Variants in CIP2A observed in about 807,000 individuals in gnomAD.
The protein encoded by CIP2A is cellular inhibitor of PP2A.
CIP2A carries 103 observed loss-of-function variants against 110.9 expected under a neutral mutation model. The observed-to-expected ratio is 0.93, with a 90% confidence interval of 0.79 to 1.09. The LOEUF (loss-of-function observed/expected upper bound fraction) is 1.09. CIP2A is among the 50% of genes least tolerant of loss of function. The probability of loss-of-function intolerance (pLI) is 0.00; values close to 1 mark genes in which losing one functional copy is unlikely to be tolerated. For missense variants in CIP2A, 1,088 were observed against 1,038.4 expected (o/e 1.05, Z -0.66); for synonymous variants, 381 against 361.6 (o/e 1.05, Z -0.61).
chr3:108,577,430 T>G (rs751222091), intron 7 of CIP2A, among the ~76,000 whole-genome samples: 1 of 152,126 alleles, frequency 6.6e-6, no homozygotes, highest in Non-Finnish European at 1.5e-5. Flanking sequence ...GGTACATATT[T>G]ATGAGTGAAA....
intron 5 of CIP2A, among the ~76,000 whole-genome samples, chr3:108,579,989 T>C (rs1292296115): frequency 1.3e-5 from 2 of 152,194 alleles, no homozygotes; most frequent in Non-Finnish European, 2.9e-5. Flanking sequence ...AATTCAATGA[T>C]GGTAAATCAG....
chr3:108,570,798 T>G (rs371187705), intron 8 of CIP2A, among the ~76,000 whole-genome samples: 1 of 152,140 alleles, frequency 6.6e-6, no homozygotes, highest in Non-Finnish European at 1.5e-5. Context: ...TAAGCTACAC[T>G]ATTTTTTAAA....
intron 12 of CIP2A, 48 bp from the exon 13 acceptor site, chr3:108,563,292 T>A: frequency 9.0e-7 from 1 of 1,107,258 alleles, no homozygotes; most frequent in Non-Finnish European, 1.4e-6. Flanking sequence ...GAATAAACAA[T>A]GTCAGCTCTT....
intron 8 of CIP2A, chr3:108,574,920 C>G (rs964610889): frequency 5.2e-5 from 8 of 152,450 alleles, no homozygotes; most frequent in African/African-American, 1.9e-4. Context: ...CAAAGACCCA[C>G]ATCTCAAAGT....
Position 108,557,417 on chromosome 3 carries a change from C to CAAAAAAA in CIP2A, c.2014-10_2014-4dup. 8.3e-7 allele frequency: 1 copy of CAAAAAAA among 1,211,604 alleles called. No homozygotes were observed. The highest frequency in any genetic ancestry group is 2.4e-5 in the Admixed American group (1 of 41,136). The allele number at this position is 1,211,604 out of a possible 1,614,324, so 75.1% of individuals were successfully genotyped here. ...AACATACTAGCAAGTGTCCGTGCCT[C>CAAAAAAA]AAAAAAAAAAAGAAGATAGACTTTA... On this transcript the variant is annotated splice_polypyrimidine_tract_variant and splice_region_variant and intron_variant, in intron 16 of 20. Transcript: ENST00000295746.
intron 8 of CIP2A, among the ~76,000 whole-genome samples, chr3:108,575,304 G>A (rs536093856): frequency 1.6e-4 from 24 of 145,562 alleles, no homozygotes; most frequent in South Asian, 6.3e-4. Flanking sequence ...ACACGTGTAC[G>A]TACACACACG....
rs1485440415 is a variant in CIP2A, at chr3:108,579,425, A to G, written c.674T>C (p.Leu225Pro). 6.2e-7 allele frequency: 1 copy of G among 1,606,152 alleles called. No individual in the cohort carries two copies. Among genetic ancestry groups the G allele is most frequent in the Admixed American group, 1.7e-5 (1 of 59,426 alleles). Residue 225 changes from leucine to proline, a missense_variant and splice_region_variant, in exon 7 of 21, where the codon CTA (leucine) becomes CCA (proline). By Grantham distance (98) the Leu-to-Pro change is moderately conservative. Transcript: ENST00000295746. ...CTGATGAATGTTTCGAGCATGGAATAGCTTAAGGACAAATTAGAAAAAGCA... is the reference window on the plus strand; with the variant it reads ...CTGATGAATGTTTCGAGCATGGAATGGCTTAAGGACAAATTAGAAAAAGCA... ...LTLNEEVGEK[L>P]FHARNIHQTF...
chr3:108,574,611 T>G (rs1433961172), intron 8 of CIP2A: 1 of 152,770 alleles, frequency 6.5e-6, no homozygotes, highest in African/African-American at 2.4e-5. Flanking sequence ...TGGGGCCCAG[T>G]GTGCAATGGC....
intron 8 of CIP2A, among the ~76,000 whole-genome samples, chr3:108,571,073 C>T (rs1938389592): frequency 6.6e-6 from 1 of 152,046 alleles, no homozygotes; most frequent in African/African-American, 2.4e-5. Context: ...ACACCACTTC[C>T]ACCTCCACAT....
At chr3:108,556,455 T>C (rs975154068) in intron 17 of CIP2A, among the ~76,000 whole-genome samples, 1 of 152,116 alleles carries the variant, frequency 6.6e-6, no homozygotes, top group African/African-American at 2.4e-5. Flanking sequence ...ACTTTGCTAG[T>C]AGGCACACAA....
rs534153380 is a variant in CIP2A, at chr3:108,551,086, C to A, written c.*63G>T. 1.6e-6 allele frequency: 1 copy of A among 610,422 alleles called. No individual in the cohort carries two copies. The highest frequency in any genetic ancestry group is 3.5e-5 in the East Asian group (1 of 28,922). 37.8% of individuals were successfully genotyped at this position (610,422 alleles called of 1,614,324 possible). ...ACAAATTAACTCCCCTACCCACCCC[C>A]CCTCCAATAGATAAATACATCAAAA... On this transcript the variant is annotated 3_prime_UTR_variant, in exon 21 of 21. Coordinates refer to ENST00000295746, the MANE Select transcript of CIP2A (RefSeq NM_020890.3).
At chr3:108,585,534 C>T in intron 1 of CIP2A, 3 of 392,096 alleles carry the variant, frequency 7.7e-6, no homozygotes, top group South Asian at 6.5e-5. Context: ...CCTAAGTTAG[C>T]AAACTTTTGA....
At chr3:108,571,765 A>T (rs1430250116) in intron 8 of CIP2A, among the ~76,000 whole-genome samples, 1 of 152,200 alleles carries the variant, frequency 6.6e-6, no homozygotes, top group Non-Finnish European at 1.5e-5. Context: ...ATTCTTTGGG[A>T]TAAATACCTA....
At chr3:108,559,896 T>C in intron 15 of CIP2A, 29 bp from the exon 16 acceptor site, 1 of 1,586,860 alleles carries the variant, frequency 6.3e-7, no homozygotes, top group Non-Finnish European at 8.6e-7. Context: ...TTAATTTTCA[T>C]TTTAGGAATA....
At chr3:108,571,570 T>C (rs376022142) in intron 8 of CIP2A, among the ~76,000 whole-genome samples, 11 of 152,210 alleles carry the variant, frequency 7.2e-5, no homozygotes, top group African/African-American at 2.2e-4. Context: ...GTTATAAACA[T>C]AGAAGCAGAT....
At position 108,551,141 on chromosome 3, in the gene CIP2A, C is replaced by T; in HGVS notation, c.*8G>A. The T allele has an allele frequency of 3.4e-6, 5 of 1,455,864 alleles. No homozygotes were observed. The highest frequency in any genetic ancestry group is 4.6e-6 in the Non-Finnish European group (5 of 1,090,292). The allele number at this position is 1,455,864 out of a possible 1,614,324, so 90.2% of individuals were successfully genotyped here. ...CATGAGATTACAAATTCCAAAATGC[C>T]ATAATGTCTATATACTGAGATTCAC... is the stretch of plus-strand genomic sequence containing the variant. On this transcript the variant is annotated 3_prime_UTR_variant, in exon 21 of 21. Coordinates refer to ENST00000295746, the MANE Select transcript of CIP2A (RefSeq NM_020890.3).
chr3:108,560,612 A>C, intron 14 of CIP2A, 37 bp downstream of exon 14: 2 of 1,327,024 alleles, frequency 1.5e-6, no homozygotes, highest in Non-Finnish European at 2.1e-6. Context: ...CATATAGCTA[A>C]TATGTACCAG....
chr3:108,576,157 T>G, intron 8 of CIP2A, 114 bp downstream of exon 8: 1 of 597,774 alleles, frequency 1.7e-6, no homozygotes, highest in African/African-American at 1.9e-5. Context: ...GTGTCCCTAT[T>G]ATAAAAATAC....
intron 8 of CIP2A, among the ~76,000 whole-genome samples, chr3:108,574,115 T>C (rs931744442): frequency 6.6e-6 from 1 of 152,072 alleles, no homozygotes; most frequent in African/African-American, 2.4e-5. Flanking sequence ...GAAGAAAATA[T>C]TTGCATGTTA....
Sources: gnomAD v4.1 joint callset for allele counts (sites outside exome capture counted in the v4.1 genomes callset) on GRCh38, gnomAD v4.1.1 for gene constraint, MANE v1.5 for transcripts, NCBI Gene and HGNC (gene_info 2026-07-23, HGNC 2026-07-21) for gene names.